CREBRF: variants seen among roughly 807,000 people sequenced by gnomAD.
CREBRF encodes UPF0474 protein C5orf41.
A neutral mutation model predicts 66.1 loss-of-function variants in CREBRF; 5 were observed. The ratio of observed to expected loss-of-function variants is 0.08; its 90% confidence interval spans 0.04 to 0.16. The LOEUF (loss-of-function observed/expected upper bound fraction) is 0.16. Ranked by LOEUF, CREBRF falls within the 10% of genes least tolerant of loss-of-function variation. CREBRF has a pLI of 1.00. For missense variants in CREBRF, 531 were observed against 744.9 expected (o/e 0.71, Z 3.34); for synonymous variants, 229 against 264.4 (o/e 0.87, Z 1.30).
At position 173,070,325 on chromosome 5, in the gene CREBRF, G is replaced by T. The variant is rs1757560968; in HGVS notation, c.-191-10260G>T. 2.0e-5 allele frequency among the ~76,000 whole-genome samples: 3 copies of T among 152,126 alleles called. No individual in the cohort carries two copies. The South Asian group carries it at 6.3e-4, about 32-fold the overall frequency. ...CCAGTGCATTCTCACTTGCACCACT[G>T]CCTGTTTTTATGCCGCTGCCATTAA... is the stretch of plus-strand genomic sequence containing the variant. On this transcript the variant is annotated intron_variant, in intron 1 of 8. Coordinates refer to ENST00000296953, the MANE Select transcript of CREBRF (RefSeq NM_153607.3).
chr5:173,074,626 A>T (rs1267797677), intron 1 of CREBRF, among the ~76,000 whole-genome samples: 3 of 150,364 alleles, frequency 2.0e-5, no homozygotes, highest in Non-Finnish European at 3.0e-5. Flanking sequence ...ATTTATTTTT[A>T]TTTTTTTATT....
chr5:173,096,204 T>C (rs1034260776), intron 4 of CREBRF, among the ~76,000 whole-genome samples: 4 of 152,048 alleles, frequency 2.6e-5, no homozygotes, highest in African/African-American at 7.2e-5. Context: ...CTCCTAACCT[T>C]GTGATCCGCC....
intron 8 of CREBRF, among the ~76,000 whole-genome samples, chr5:173,132,989 G>A (rs965229558): frequency 6.6e-6 from 1 of 152,012 alleles, no homozygotes; most frequent in Non-Finnish European, 1.5e-5. Flanking sequence ...TTAAAAAAAT[G>A]TACTTATACC....
At chr5:173,076,490 C>T (rs1397477638) in intron 1 of CREBRF, among the ~76,000 whole-genome samples, 1 of 152,102 alleles carries the variant, frequency 6.6e-6, no homozygotes, top group Non-Finnish European at 1.5e-5. Context: ...GTGTCTCGCA[C>T]CTGTAATCCC....
chr5:173,080,845 T>C, intron 2 of CREBRF, 61 bp downstream of exon 2: 2 of 1,513,468 alleles, frequency 1.3e-6, no homozygotes, highest in Non-Finnish European at 1.8e-6. Context: ...GTCAATACCT[T>C]TGACTCTTAA....
intron 8 of CREBRF, among the ~76,000 whole-genome samples, chr5:173,131,344 TAATATGGAATCC>T (rs1409512152): frequency 4.6e-5 from 7 of 152,250 alleles, no homozygotes; most frequent in African/African-American, 1.4e-4. Flanking sequence ...ATATAATATC[TAATATGGAATCC>T]ATTTTCCCAG....
chr5:173,113,248 AC>A (rs1352292708), intron 7 of CREBRF, among the ~76,000 whole-genome samples: 5 of 150,856 alleles, frequency 3.3e-5, no homozygotes, highest in Non-Finnish European at 5.9e-5. Context: ...GCCCACCTCA[AC>A]CTCCCAAAGT....
chr5:173,086,064 G>T, intron 2 of CREBRF: 1 of 898,016 alleles, frequency 1.1e-6, no homozygotes, highest in South Asian at 1.3e-5. Flanking sequence ...AAGAGTGTAT[G>T]GTTCTCTACC....
chr5:173,110,268 C>A, intron 5 of CREBRF: 1 of 542,014 alleles, frequency 1.8e-6, no homozygotes. Context: ...GAACTAGAAG[C>A]CTAGGGTAGG....
intron 3 of CREBRF, among the ~76,000 whole-genome samples, chr5:173,087,892 C>T (rs1273034053): frequency 1.3e-5 from 2 of 150,686 alleles, no homozygotes; most frequent in Non-Finnish European, 3.0e-5. Flanking sequence ...GGCACAGTCT[C>T]GGCTCACTGC....
intron 7 of CREBRF, among the ~76,000 whole-genome samples, chr5:173,115,199 T>G (rs1181641696): frequency 6.6e-6 from 1 of 151,376 alleles, no homozygotes; most frequent in Non-Finnish European, 1.5e-5. Flanking sequence ...CTCTGCCTCC[T>G]GGGTTCAAGC....
At chr5:173,070,951 G>A (rs1757580389) in intron 1 of CREBRF, among the ~76,000 whole-genome samples, 1 of 152,090 alleles carries the variant, frequency 6.6e-6, no homozygotes, top group South Asian at 2.1e-4. Context: ...ATTGCATTTG[G>A]CACTGTAGTG....
At chr5:173,124,078 C>T (rs1466701919) in intron 8 of CREBRF, 2 of 152,052 alleles carry the variant, frequency 1.3e-5, no homozygotes, top group East Asian at 3.8e-4. Flanking sequence ...TTTAACATTA[C>T]AAGAAAAAGT....
chr5:173,093,392 T>C (rs1054444136), intron 4 of CREBRF, among the ~76,000 whole-genome samples: 14 of 152,220 alleles, frequency 9.2e-5, no homozygotes, highest in African/African-American at 2.2e-4. Flanking sequence ...AACATGTTTT[T>C]ACATATGTAT....
At position 173,080,793 on chromosome 5, in the gene CREBRF, T is replaced by C; in HGVS notation, c.9+9T>C. The C allele has an allele frequency of 6.2e-7, 1 of 1,613,334 alleles. No individual in the cohort carries two copies. The highest frequency in any genetic ancestry group is 8.5e-7 in the Non-Finnish European group (1 of 1,179,516). On this transcript the variant is annotated intron_variant, in intron 2 of 8. Coordinates refer to ENST00000296953, the MANE Select transcript of CREBRF (RefSeq NM_153607.3). ...GCTTGGAAATGCCTCAGGTAAATCATACAGAGTAGGTGCAAAGTTTTTTAT... is the reference window on the plus strand; with the variant it reads ...GCTTGGAAATGCCTCAGGTAAATCACACAGAGTAGGTGCAAAGTTTTTTAT...
intron 1 of CREBRF, among the ~76,000 whole-genome samples, chr5:173,061,946 AAGTTT>A (rs1337798717): frequency 2.0e-5 from 3 of 152,204 alleles, no homozygotes; most frequent in African/African-American, 7.2e-5. Context: ...GGAAGCGTAA[AAGTTT>A]AGAAAAGAGA....
chr5:173,111,961 A>G (rs746063042), intron 6 of CREBRF, among the ~76,000 whole-genome samples: 26 of 152,220 alleles, frequency 1.7e-4, no homozygotes, highest in Non-Finnish European at 3.5e-4. Flanking sequence ...GTGCTGATAT[A>G]GCTTTATTTT....
intron 1 of CREBRF, among the ~76,000 whole-genome samples, chr5:173,065,200 A>C (rs1046575750): frequency 6.6e-5 from 10 of 152,164 alleles, no homozygotes; most frequent in African/African-American, 2.4e-4. Context: ...TATTCATTGA[A>C]AAAGTGGTGT....
intron 1 of CREBRF, among the ~76,000 whole-genome samples, chr5:173,066,566 G>C (rs149067428): frequency 6.6e-6 from 1 of 152,166 alleles, no homozygotes; most frequent in East Asian, 1.9e-4. Context: ...ACATGCTGTC[G>C]TCTAACCACT....
Sources: gnomAD v4.1 joint callset for allele counts (sites outside exome capture counted in the v4.1 genomes callset) on GRCh38, gnomAD v4.1.1 for gene constraint, MANE v1.5 for transcripts, NCBI Gene and HGNC (gene_info 2026-07-23, HGNC 2026-07-21) for gene names.